RALYL: variants seen among roughly 807,000 people sequenced by gnomAD.
The protein encoded by RALYL is RNA-binding Raly-like protein.
Under a neutral mutation model 35.1 loss-of-function variants are expected in RALYL, and 29 were observed. That is an observed-to-expected ratio of 0.83 (90% confidence interval 0.61 to 1.13). The LOEUF (loss-of-function observed/expected upper bound fraction) is 1.13. Ranked by LOEUF, RALYL falls within the 50% of genes most tolerant of loss-of-function variation. The probability of loss-of-function intolerance (pLI) is 0.00; values close to 1 mark genes in which losing one functional copy is unlikely to be tolerated. For missense variants in RALYL, 359 were observed against 360.4 expected (o/e 1.00, Z 0.03); for synonymous variants, 120 against 127.6 (o/e 0.94, Z 0.40).
intron 2 of RALYL, among the ~76,000 whole-genome samples, chr8:84,631,464 G>A (rs1823888278): frequency 6.6e-6 from 1 of 151,902 alleles, no homozygotes; most frequent in Admixed American, 6.6e-5. Context: ...GGCTGTCATG[G>A]GATGAAAGAT....
intron 2 of RALYL, among the ~76,000 whole-genome samples, chr8:84,612,420 C>G (rs544121684): frequency 1.3e-5 from 2 of 152,054 alleles, no homozygotes; most frequent in Admixed American, 6.6e-5. Flanking sequence ...GTGACAAACT[C>G]CCCCTTTTGT....
chr8:84,266,255 T>C (rs1028864327), intron 1 of RALYL, among the ~76,000 whole-genome samples: 1 of 152,110 alleles, frequency 6.6e-6, no homozygotes, highest in Admixed American at 6.5e-5. Flanking sequence ...TCACCTTCAA[T>C]GTATTTACTT....
intron 1 of RALYL, among the ~76,000 whole-genome samples, chr8:84,201,286 T>C (rs1305048956): frequency 6.6e-6 from 1 of 152,234 alleles, no homozygotes; most frequent in African/African-American, 2.4e-5. Context: ...TATCTTTGAC[T>C]AAAACTTATG....
chr8:84,321,935 C>G (rs541488915), intron 1 of RALYL, among the ~76,000 whole-genome samples: 1 of 152,076 alleles, frequency 6.6e-6, no homozygotes, highest in South Asian at 2.1e-4. Context: ...AGGAGAGACA[C>G]TGCTTAATAA....
At position 84,669,096 on chromosome 8, in the gene RALYL, C is replaced by G. The variant is rs139373600; in HGVS notation, c.257-105483C>G. Reference sequence around the variant, plus strand: ...ATAGAAAAATAAAACTTGGTCCCACCCTTTGAAATGGTGTAATACAGTAAT... The same window carrying G: ...ATAGAAAAATAAAACTTGGTCCCACGCTTTGAAATGGTGTAATACAGTAAT... On this transcript the variant is annotated intron_variant, in intron 2 of 8. Transcript: ENST00000521268. Among the ~76,000 whole-genome samples, 900 of 152,190 alleles carry G rather than the reference C, an allele frequency of 5.9e-3. 11 individuals are homozygous for G. Among genetic ancestry groups the G allele is most frequent in the African/African-American group, 0.02 (837 of 41,518 alleles).
At chr8:84,276,554 G>A (rs1362906802) in intron 1 of RALYL, among the ~76,000 whole-genome samples, 11 of 152,182 alleles carry the variant, frequency 7.2e-5, no homozygotes, top group Non-Finnish European at 1.6e-4. Context: ...GTTGAAAATA[G>A]GAGACATAAA....
At chr8:84,557,123 T>C (rs2061177725) in intron 2 of RALYL, among the ~76,000 whole-genome samples, 2 of 152,194 alleles carry the variant, frequency 1.3e-5, no homozygotes, top group South Asian at 2.1e-4. Flanking sequence ...GTTGTAGAGA[T>C]ATATTTTCAC....
intron 1 of RALYL, among the ~76,000 whole-genome samples, chr8:84,352,707 CTTAT>C (rs746088054): frequency 1.3e-5 from 2 of 150,126 alleles, no homozygotes; most frequent in Non-Finnish European, 3.0e-5. Flanking sequence ...GCATTTGATG[CTTAT>C]TTATTTCTCA....
At chr8:84,727,105 AGG>A in intron 2 of RALYL, among the ~76,000 whole-genome samples, 1 of 152,210 alleles carries the variant, frequency 6.6e-6, no homozygotes, top group Non-Finnish European at 1.5e-5. Context: ...TCCCCTTGGA[AGG>A]CTCTACTGAA....
chr8:84,903,329 T>C (rs866180453), intron 8 of RALYL, among the ~76,000 whole-genome samples: 10 of 152,192 alleles, frequency 6.6e-5, no homozygotes, highest in South Asian at 2.1e-4. Context: ...AATTATCTTA[T>C]TTAAAGAGAA....
chr8:84,484,440 AGAG>A (rs1415554198), intron 1 of RALYL, among the ~76,000 whole-genome samples: 3 of 152,084 alleles, frequency 2.0e-5, no homozygotes, highest in Non-Finnish European at 4.4e-5. Flanking sequence ...TGTGCTTTTC[AGAG>A]GAGAAGGAAC....
At chr8:84,222,333 G>T (rs1822438165) in intron 1 of RALYL, among the ~76,000 whole-genome samples, 1 of 151,944 alleles carries the variant, frequency 6.6e-6, no homozygotes, top group South Asian at 2.1e-4. Flanking sequence ...TTACATCTAT[G>T]CTGTGTTAAC....
intron 1 of RALYL, among the ~76,000 whole-genome samples, chr8:84,186,211 A>C (rs2130808473): frequency 6.6e-6 from 1 of 152,296 alleles, no homozygotes; most frequent in South Asian, 2.1e-4. Context: ...TATAGTTCTA[A>C]GATTTGAAGC....
At chr8:84,467,644 A>G (rs2133575464) in intron 1 of RALYL, among the ~76,000 whole-genome samples, 1 of 152,122 alleles carries the variant, frequency 6.6e-6, no homozygotes, top group South Asian at 2.1e-4. Flanking sequence ...ACAGTTCTGT[A>G]GATGTCTATT....
At chr8:84,563,342 A>C (rs2061581182) in intron 2 of RALYL, among the ~76,000 whole-genome samples, 1 of 151,900 alleles carries the variant, frequency 6.6e-6, no homozygotes, top group African/African-American at 2.4e-5. Context: ...GAGCATTGAG[A>C]AATTATACAA....
chr8:84,691,289 G>A (rs1217742323), intron 2 of RALYL, among the ~76,000 whole-genome samples: 3 of 151,894 alleles, frequency 2.0e-5, no homozygotes, highest in African/African-American at 2.4e-5. Context: ...TATAAAATAC[G>A]GCATTCTGGT....
At chr8:84,755,071 T>C (rs1585977031) in intron 2 of RALYL, among the ~76,000 whole-genome samples, 1 of 152,154 alleles carries the variant, frequency 6.6e-6, no homozygotes, top group African/African-American at 2.4e-5. Flanking sequence ...TTAGGTGCTA[T>C]GGAGCATTGA....
At chr8:84,439,738 G>T (rs2048134504) in intron 1 of RALYL, among the ~76,000 whole-genome samples, 1 of 151,974 alleles carries the variant, frequency 6.6e-6, no homozygotes, top group African/African-American at 2.4e-5. Context: ...CAGTATGCTA[G>T]CATTTTCTTC....
intron 2 of RALYL, among the ~76,000 whole-genome samples, chr8:84,597,671 AT>A (rs1164057251): frequency 6.6e-6 from 1 of 152,116 alleles, no homozygotes; most frequent in Non-Finnish European, 1.5e-5. Flanking sequence ...TGTTTTCTTC[AT>A]TTTTAATGAT....
Sources: gnomAD v4.1 joint callset for allele counts (sites outside exome capture counted in the v4.1 genomes callset) on GRCh38, gnomAD v4.1.1 for gene constraint, MANE v1.5 for transcripts, NCBI Gene and HGNC (gene_info 2026-07-23, HGNC 2026-07-21) for gene names.